Variants in RAPGEF6 observed in about 807,000 individuals in gnomAD.
RAPGEF6 encodes the protein PDZ domain containing guanine nucleotide exchange factor (GEF) 2.
Under a neutral mutation model 171.4 loss-of-function variants are expected in RAPGEF6, and 56 were observed. The ratio of observed to expected loss-of-function variants is 0.33; its 90% CI spans 0.26 to 0.41. The LOEUF is 0.41. Ranked by LOEUF, RAPGEF6 falls within the 10% of genes least tolerant of loss-of-function variation. The probability of loss-of-function intolerance (pLI) is 1.00; values close to 1 mark genes in which losing one functional copy is unlikely to be tolerated. For missense variants in RAPGEF6, 1,674 were observed against 1,921.4 expected (o/e 0.87, Z 2.41); for synonymous variants, 692 against 650.1 (o/e 1.06, Z -0.98).
intron 4 of RAPGEF6, among the ~76,000 whole-genome samples, chr5:131,586,109 G>T (rs937260197): frequency 2.0e-5 from 3 of 152,054 alleles, no homozygotes; most frequent in Non-Finnish European, 4.4e-5. Context: ...CAGATTTTTG[G>T]GGTTCACAAC....
chr5:131,444,993 T>A lies in RAPGEF6; in HGVS notation c.3421+1490A>T, dbSNP rs559133033. On this transcript the variant is annotated intron_variant, in intron 22 of 27. Coordinates refer to ENST00000509018, the MANE Select transcript of RAPGEF6 (RefSeq NM_016340.6). Reference sequence around the variant, plus strand: ...AATGTAGAAAGCTCTCAATAACTGTTAGCTTTTAAAAATGTCTTTTTCCAA... The same window carrying A: ...AATGTAGAAAGCTCTCAATAACTGTAAGCTTTTAAAAATGTCTTTTTCCAA... 2.0e-5 allele frequency among the ~76,000 whole-genome samples: 3 copies of A among 152,326 alleles called. No individual in the cohort carries two copies. The East Asian group carries it at 5.8e-4, about 29-fold the overall frequency.
At chr5:131,431,544 A>G (rs964766701) in intron 25 of RAPGEF6, among the ~76,000 whole-genome samples, 195 bp from the exon 26 acceptor site, 13 of 152,184 alleles carry the variant, frequency 8.5e-5, no homozygotes, top group Non-Finnish European at 1.8e-4. Context: ...CACTCAGAAG[A>G]CACAGTAAAG....
At chr5:131,474,052 T>C (rs1754931234) in intron 16 of RAPGEF6, among the ~76,000 whole-genome samples, 1 of 152,326 alleles carries the variant, frequency 6.6e-6, no homozygotes, top group East Asian at 1.9e-4. Flanking sequence ...CATCTGTAAA[T>C]GTGAGCAACA....
At chr5:131,487,025 T>C (rs1050079957) in intron 15 of RAPGEF6, among the ~76,000 whole-genome samples, 1 of 152,168 alleles carries the variant, frequency 6.6e-6, no homozygotes, top group Non-Finnish European at 1.5e-5. Flanking sequence ...GTTCTAGTAT[T>C]GTGTCCAGAG....
At chr5:131,461,560 G>A in intron 19 of RAPGEF6, 145 bp downstream of exon 19, 1 of 798,730 alleles carries the variant, frequency 1.3e-6, no homozygotes, top group Non-Finnish European at 1.8e-6. Flanking sequence ...CACCAAAATG[G>A]AAAATACATT....
intron 5 of RAPGEF6, among the ~76,000 whole-genome samples, chr5:131,557,926 CATTT>C (rs1388489637): frequency 6.6e-6 from 1 of 152,050 alleles, no homozygotes; most frequent in African/African-American, 2.4e-5. Flanking sequence ...AAGATTTTTA[CATTT>C]ATTTTCATTT....
chr5:131,529,489 T>A (rs868150750), intron 6 of RAPGEF6, among the ~76,000 whole-genome samples: 187 of 114,176 alleles, frequency 1.6e-3, no homozygotes, highest in Middle Eastern at 5.0e-3. Flanking sequence ...AAAAAAATAA[T>A]AATCTCACAA....
chr5:131,558,745 A>AT (rs61692810), intron 5 of RAPGEF6, among the ~76,000 whole-genome samples: 4,202 of 151,182 alleles, frequency 0.028, 209 homozygotes, highest in African/African-American at 0.096. Flanking sequence ...CAGAAGTTGT[A>AT]TTTTTTTTTC....
chr5:131,616,778 CTT>C (rs879609482), intron 1 of RAPGEF6, among the ~76,000 whole-genome samples: 1 of 146,032 alleles, frequency 6.8e-6, no homozygotes, highest in Non-Finnish European at 1.5e-5. Flanking sequence ...CCACCCCCAG[CTT>C]TTTTTTTTTC....
intron 16 of RAPGEF6, 50 bp from the exon 17 acceptor site, chr5:131,472,794 T>G: frequency 6.7e-7 from 1 of 1,499,554 alleles, no homozygotes; most frequent in Non-Finnish European, 9.2e-7. Flanking sequence ...AGTACTTAAG[T>G]AGTAAACGTT....
intron 23 of RAPGEF6, among the ~76,000 whole-genome samples, chr5:131,441,983 C>T (rs755324501): frequency 1.5e-4 from 23 of 152,122 alleles, no homozygotes; most frequent in South Asian, 2.1e-4. Flanking sequence ...CAAAAAACAA[C>T]GTATAGTCAT....
intron 3 of RAPGEF6, among the ~76,000 whole-genome samples, chr5:131,596,607 G>A (rs1322630791): frequency 6.6e-6 from 1 of 152,028 alleles, no homozygotes; most frequent in Non-Finnish European, 1.5e-5. Flanking sequence ...GACCAATAGA[G>A]CAGAATGGAT....
At chr5:131,538,085 C>T (rs1435963046) in intron 6 of RAPGEF6, among the ~76,000 whole-genome samples, 1 of 152,000 alleles carries the variant, frequency 6.6e-6, no homozygotes, top group Non-Finnish European at 1.5e-5. Context: ...GCGAGACCGT[C>T]TCAAATAAAA....
chr5:131,432,910 A>G (rs961906256), intron 25 of RAPGEF6, among the ~76,000 whole-genome samples: 1 of 152,160 alleles, frequency 6.6e-6, no homozygotes, highest in African/African-American at 2.4e-5. Flanking sequence ...GTTAGAATAA[A>G]CTTTCTCAAA....
intron 12 of RAPGEF6, 119 bp from the exon 13 acceptor site, chr5:131,495,779 G>A: frequency 7.3e-7 from 1 of 1,376,812 alleles, no homozygotes; most frequent in Non-Finnish European, 9.6e-7. Flanking sequence ...TCCCTCCCTT[G>A]TGTAAAAAAG....
At chr5:131,577,878 T>C (rs1018352123) in intron 4 of RAPGEF6, among the ~76,000 whole-genome samples, 2 of 152,206 alleles carry the variant, frequency 1.3e-5, no homozygotes, top group African/African-American at 2.4e-5. Context: ...TTCATCCTAT[T>C]AGGTCTATTC....
intron 1 of RAPGEF6, among the ~76,000 whole-genome samples, chr5:131,630,717 T>C (rs1561623088): frequency 6.6e-6 from 1 of 152,186 alleles, no homozygotes; most frequent in Non-Finnish European, 1.5e-5. Context: ...GGATTATGCC[T>C]GAGTTGATAG....
intron 1 of RAPGEF6, among the ~76,000 whole-genome samples, chr5:131,623,648 G>A (rs543423824): frequency 1.3e-5 from 2 of 152,020 alleles, no homozygotes; most frequent in Admixed American, 1.3e-4. Context: ...ACCACGCCCG[G>A]CTAATTTTGT....
intron 11 of RAPGEF6, among the ~76,000 whole-genome samples, chr5:131,501,008 C>T (rs1756986616): frequency 6.6e-6 from 1 of 152,066 alleles, no homozygotes; most frequent in South Asian, 2.1e-4. Flanking sequence ...AATCCCAGCA[C>T]TTCTGGAGCC....
Sources: allele counts gnomAD v4.1 joint callset (sites outside exome capture counted in the v4.1 genomes callset), GRCh38; gene constraint gnomAD v4.1.1; transcripts MANE v1.5; gene names NCBI Gene and HGNC (gene_info 2026-07-23, HGNC 2026-07-21).